The following KDM4C variants were observed in gnomAD, a reference collection of about 807,000 sequenced individuals.
The protein encoded by KDM4C is lysine demethylase 4C.
Under a neutral mutation model 129.3 loss-of-function variants are expected in KDM4C, and 81 were observed. The ratio of observed to expected loss-of-function variants is 0.63; its 90% confidence interval spans 0.52 to 0.75. KDM4C has a LOEUF of 0.75. Among genes scored for constraint, KDM4C ranks in the 30% least tolerant of loss-of-function variants. The probability of loss-of-function intolerance (pLI) is 0.00; values close to 1 mark genes in which losing one functional copy is unlikely to be tolerated. For synonymous variants in KDM4C, 573 were observed against 456.1 expected (o/e 1.26, Z -3.26); for missense variants, 1,457 against 1,304.0 (o/e 1.12, Z -1.81).
chr9:7,069,572 G>A (rs1368741836), intron 17 of KDM4C, among the ~76,000 whole-genome samples: 2 of 152,168 alleles, frequency 1.3e-5, no homozygotes, highest in African/African-American at 4.8e-5. Context: ...AGATTCGTGG[G>A]AAGTTGTGAC....
At chr9:6,957,515 T>C (rs1384214575) in intron 8 of KDM4C, among the ~76,000 whole-genome samples, 1 of 152,146 alleles carries the variant, frequency 6.6e-6, no homozygotes, top group Non-Finnish European at 1.5e-5. Context: ...TTTTTTTTTT[T>C]CTGCAGTAAT....
chr9:6,925,165 A>C, intron 8 of KDM4C: 4 of 985,418 alleles, frequency 4.1e-6, no homozygotes, highest in Non-Finnish European at 4.8e-6. Flanking sequence ...GGAAGTCCTT[A>C]TCATCGTGCG....
intron 21 of KDM4C, chr9:7,170,191 C>G (rs766389111): frequency 3.2e-6 from 4 of 1,244,128 alleles, no homozygotes; most frequent in Non-Finnish European, 4.1e-6. Context: ...ACACCAGGAG[C>G]AAACAAAGAT....
chr9:6,912,928 G>A (rs1200518285), intron 8 of KDM4C, among the ~76,000 whole-genome samples: 1 of 151,910 alleles, frequency 6.6e-6, no homozygotes, highest in African/African-American at 2.4e-5. Context: ...TGATATTCTT[G>A]GAGTTTTTCG....
chr9:7,077,185 A>G (rs1834024794), intron 17 of KDM4C: 1 of 985,438 alleles, frequency 1.0e-6, no homozygotes, highest in Non-Finnish European at 1.2e-6. Flanking sequence ...GTTATCACAC[A>G]TGCTGTGGGA....
chr9:6,950,725 A>C (rs960077419), intron 8 of KDM4C, among the ~76,000 whole-genome samples: 1 of 152,222 alleles, frequency 6.6e-6, no homozygotes, highest in African/African-American at 2.4e-5. Context: ...TAAAAGTTGA[A>C]GTTTTCAGGG....
chr9:6,875,006 TTTGA>T lies in KDM4C; in HGVS notation c.630-5001_630-4998del, dbSNP rs773906914. Reference sequence around the variant, plus strand: ...CTTGGGAGTTTGACTGAAGTAGACGTTTGATTGAGGATGCAGTTGCTGGTCCTGA... The same window carrying T: ...CTTGGGAGTTTGACTGAAGTAGACGTTTGAGGATGCAGTTGCTGGTCCTGA... On this transcript the variant is annotated intron_variant, in intron 5 of 21. Transcript: ENST00000381309. Among the ~76,000 whole-genome samples the T allele has an allele frequency of 3.6e-4, 54 of 151,434 alleles. No homozygotes were observed. The East Asian group carries it at 6.4e-3, about 18-fold the overall frequency.
chr9:6,825,005 G>A (rs998518580), intron 4 of KDM4C, among the ~76,000 whole-genome samples: 2 of 151,966 alleles, frequency 1.3e-5, no homozygotes, highest in African/African-American at 4.8e-5. Flanking sequence ...AATTAGCCGG[G>A]TGTGGTGACA....
At chr9:6,903,441 C>G (rs941390849) in intron 8 of KDM4C, among the ~76,000 whole-genome samples, 3 of 152,118 alleles carry the variant, frequency 2.0e-5, no homozygotes, top group Non-Finnish European at 4.4e-5. Context: ...GCACTGTGTT[C>G]TCTTGGCAGG....
intron 20 of KDM4C, 27 bp from the exon 21 acceptor site, chr9:7,169,771 G>A: frequency 1.3e-6 from 2 of 1,568,980 alleles, no homozygotes; most frequent in Non-Finnish European, 1.7e-6. Context: ...TTTTTAATAT[G>A]TATCATGTTA....
At chr9:6,913,721 CTA>C (rs1302284216) in intron 8 of KDM4C, among the ~76,000 whole-genome samples, 1 of 152,166 alleles carries the variant, frequency 6.6e-6, no homozygotes, top group Non-Finnish European at 1.5e-5. Context: ...AGTTTCTACT[CTA>C]TTATGATAAT....
rs568121054 is a variant in KDM4C, at chr9:7,078,585, T to C, written c.2425-25100T>C. On this transcript the variant is annotated intron_variant, in intron 17 of 21. Transcript: ENST00000381309. ...TTCAGAGAATCCTTGTTTTACTTGCTAGCCAAGCCCAAGGTCTGTATTTTA... is the reference window on the plus strand; with the variant it reads ...TTCAGAGAATCCTTGTTTTACTTGCCAGCCAAGCCCAAGGTCTGTATTTTA... 4.6e-5 allele frequency among the ~76,000 whole-genome samples: 7 copies of C among 152,332 alleles called. No individual in the cohort carries two copies. In the South Asian group the frequency reaches 1.4e-3, roughly 32 times the overall value.
chr9:6,893,339 C>A (rs1455191210), intron 8 of KDM4C, 107 bp downstream of exon 8: 5 of 818,614 alleles, frequency 6.1e-6, no homozygotes, highest in Non-Finnish European at 9.2e-6. Context: ...CTCACTGGCG[C>A]CATGTGCCTC....
At chr9:6,888,778 T>C (rs1020298457) in intron 7 of KDM4C, among the ~76,000 whole-genome samples, 2 of 150,710 alleles carry the variant, frequency 1.3e-5, no homozygotes, top group Non-Finnish European at 3.0e-5. Context: ...TTCCTTCTTC[T>C]GTGTTTTTTT....
chr9:6,962,426 A>G (rs1157461036), intron 8 of KDM4C, among the ~76,000 whole-genome samples: 1 of 152,208 alleles, frequency 6.6e-6, no homozygotes. Context: ...GATAATTGCA[A>G]TTTTCAGCTT....
At chr9:7,031,490 G>T (rs1397955955) in intron 15 of KDM4C, among the ~76,000 whole-genome samples, 2 of 152,084 alleles carry the variant, frequency 1.3e-5, no homozygotes, top group East Asian at 1.9e-4. Context: ...GTAACAATTA[G>T]ATATAAGCAA....
chr9:7,003,987 C>G (rs754548012), intron 12 of KDM4C, among the ~76,000 whole-genome samples: 3 of 152,102 alleles, frequency 2.0e-5, no homozygotes, highest in South Asian at 2.1e-4. Flanking sequence ...GCTCAAGTAC[C>G]TGAAACGTAA....
intron 4 of KDM4C, among the ~76,000 whole-genome samples, chr9:6,832,427 TC>T (rs1835006703): frequency 6.7e-6 from 1 of 150,106 alleles, no homozygotes; most frequent in Non-Finnish European, 1.5e-5. Flanking sequence ...TTCTTTTTTT[TC>T]TTTTTTTTTT....
chr9:7,174,595 G>C lies in KDM4C; in HGVS notation c.3037G>C (p.Ala1013Pro). 1 of 1,614,222 alleles carries C rather than the reference G, an allele frequency of 6.2e-7. No homozygotes were observed. Among genetic ancestry groups the C allele is most frequent in the Non-Finnish European group, 8.5e-7 (1 of 1,180,028 alleles). ...DMRFEDTFYG[A>P]DIIQGERKRQ... ...GCGATTTGAAGACACGTTTTATGGA[G>C]CAGACATTATCCAAGGGGAGAGAAA... Residue 1013 changes from alanine (A) to proline (P), a missense_variant, in exon 22 of 22, where the codon GCA becomes CCA. Transcript: ENST00000381309.
Sources: allele counts gnomAD v4.1 joint callset (sites outside exome capture counted in the v4.1 genomes callset), GRCh38; gene constraint gnomAD v4.1.1; transcripts MANE v1.5; gene names NCBI Gene and HGNC (gene_info 2026-07-23, HGNC 2026-07-21).